EIF3J: variants seen among roughly 807,000 people sequenced by gnomAD.
The protein encoded by EIF3J is eukaryotic translation initiation factor 3, subunit 1 (alpha, 35kD).
A neutral mutation model predicts 39.0 loss-of-function variants in EIF3J; 15 were observed. That is an observed-to-expected ratio of 0.38 (90% CI 0.26 to 0.59). EIF3J has a LOEUF of 0.59. Ranked by LOEUF, EIF3J falls within the 20% of genes least tolerant of loss-of-function variation. The pLI, the probability that EIF3J is intolerant of heterozygous loss-of-function variation, is 0.60. For missense variants in EIF3J, 226 were observed against 308.6 expected, an observed-to-expected ratio of 0.73 and a Z score of 2.00; for synonymous variants, 98 against 112.9, an observed-to-expected ratio of 0.87 and a Z score of 0.84.
At chr15:44,548,354 G>A (rs2082070973) in intron 2 of EIF3J, among the ~76,000 whole-genome samples, 1 of 152,222 alleles carries the variant, frequency 6.6e-6, no homozygotes, top group African/African-American at 2.4e-5. Context: ...GGCAGAGGTT[G>A]CAGTAAGCTG....
chr15:44,561,079 T>A lies in EIF3J; in HGVS notation c.707T>A (p.Met236Lys). ...CCTGGAGGGGGATTAAAAGCCACCA[T>A]GAAAGATGATCTGGCAGATTATGGT... ...VVPGGGLKAT[M>K]KDDLADYGGY... is the part of the protein sequence containing the mutation. Residue 236 changes from methionine to lysine, a missense_variant, in exon 8 of 8, where the codon ATG becomes AAG. This residue lies in a region of EIF3J where 83 missense variants were observed against 152.6 expected (regional missense o/e 0.54). Coordinates refer to ENST00000261868, the MANE Select transcript of EIF3J (RefSeq NM_003758.4). 2 of 1,613,754 alleles carry A rather than the reference T, an allele frequency of 1.2e-6. No homozygotes were observed. Among genetic ancestry groups the A allele is most frequent in the Non-Finnish European group, 1.7e-6 (2 of 1,179,830 alleles).
At chr15:44,537,285 G>T in intron 1 of EIF3J, 39 bp from the exon 2 acceptor site, 1 of 1,563,532 alleles carries the variant, frequency 6.4e-7, no homozygotes, top group Non-Finnish European at 8.7e-7. Context: ...CCGGCCCCAC[G>T]CAGTGGCAGG....
At chr15:44,546,411 T>G (rs2082053080) in intron 2 of EIF3J, among the ~76,000 whole-genome samples, 1 of 152,256 alleles carries the variant, frequency 6.6e-6, no homozygotes, top group Non-Finnish European at 1.5e-5. Context: ...ATTTCTTTAC[T>G]GGACTTAGAG....
intron 4 of EIF3J, 145 bp downstream of exon 4, chr15:44,551,667 G>C: frequency 1.6e-6 from 1 of 619,900 alleles, no homozygotes; most frequent in Non-Finnish European, 2.6e-6. Context: ...AAAACAAATT[G>C]ATTTGTGGTT....
intron 4 of EIF3J, among the ~76,000 whole-genome samples, chr15:44,552,932 T>C (rs1335451201): frequency 6.6e-6 from 1 of 152,146 alleles, no homozygotes; most frequent in East Asian, 1.9e-4. Context: ...ATGCCTGTAA[T>C]TGCAACGCTT....
intron 2 of EIF3J, among the ~76,000 whole-genome samples, chr15:44,547,076 G>A (rs867483938): frequency 2.0e-5 from 3 of 151,740 alleles, no homozygotes; most frequent in East Asian, 1.9e-4. Context: ...TGCCTGCCTC[G>A]GCCTCCCAAA....
At chr15:44,548,685 A>T (rs2082073950) in intron 2 of EIF3J, among the ~76,000 whole-genome samples, 1 of 152,180 alleles carries the variant, frequency 6.6e-6, no homozygotes, top group Non-Finnish European at 1.5e-5. Context: ...TTGCTCTATT[A>T]TCCTGGGGCA....
chr15:44,541,063 A>G (rs1262756716), intron 2 of EIF3J, among the ~76,000 whole-genome samples: 1 of 152,218 alleles, frequency 6.6e-6, no homozygotes, highest in Non-Finnish European at 1.5e-5. Flanking sequence ...AGAAAAGACT[A>G]TGCTTTTCCC....
rs573425680 is a variant in EIF3J at position 44,552,442 on chromosome 15, G to A, written c.294+920G>A. Among the ~76,000 whole-genome samples the A allele has an allele frequency of 1.9e-3, 291 of 151,786 alleles. 1 individual carries two copies. Among genetic ancestry groups the A allele is most frequent in the African/African-American group, 6.6e-3 (275 of 41,422 alleles). The stretch of plus-strand genomic sequence containing the variant: ...GTATTTTTAGTAGAGATGGGGTTTC[G>A]CCATGTTGGCCGGGCTGGTCTCAAA... On this transcript the variant is annotated intron_variant, in intron 4 of 7. Transcript: ENST00000261868.
rs1490285331 is a variant in EIF3J at position 44,562,744 on chromosome 15, A to T, written c.*1595A>T. On this transcript the variant is annotated 3_prime_UTR_variant, in exon 8 of 8. Coordinates refer to ENST00000261868, the MANE Select transcript of EIF3J (RefSeq NM_003758.4). Reference sequence around the variant, plus strand: ...CAGAAAGATCAGTTTCTAACAAATGAAAATGTATCACCTGTTCCTTAACTG... The same window carrying T: ...CAGAAAGATCAGTTTCTAACAAATGTAAATGTATCACCTGTTCCTTAACTG... 5.6e-6 allele frequency: 1 copy of T among 179,554 alleles called. No homozygotes were observed. The highest frequency in any genetic ancestry group is 1.5e-4 in the East Asian group (1 of 6,810). 11.1% of individuals were successfully genotyped at this position (179,554 alleles called of 1,614,324 possible). A position where few individuals can be genotyped will look rare whatever the true frequency, so the allele number is the denominator to read the frequency against.
At chr15:44,548,212 C>T (rs1045191111) in intron 2 of EIF3J, among the ~76,000 whole-genome samples, 8 of 152,002 alleles carry the variant, frequency 5.3e-5, no homozygotes, top group South Asian at 2.1e-4. Context: ...GTCAGGAGTT[C>T]GAGACCAGCC....
At chr15:44,559,255 C>CA (rs920569226) in intron 6 of EIF3J, 4 of 112,818 alleles carry the variant, frequency 3.5e-5, no homozygotes, top group African/African-American at 1.2e-4. Context: ...AAAAAAAAAA[C>CA]ACAAAAATCA....
In EIF3J at chr15:44,562,015, AT is replaced by A. The variant is rs2082203176; in HGVS notation, c.*867del. On this transcript the variant is annotated 3_prime_UTR_variant, in exon 8 of 8. Transcript: ENST00000261868. ...GTTAACTACAGTTTGGTAAATTGTT[AT>A]GTTAACAATTATGACATCTGCAATG... is the stretch of plus-strand genomic sequence containing the variant. The A allele has an allele frequency of 6.6e-6, 1 of 152,506 alleles. No homozygotes were observed. Among genetic ancestry groups the A allele is most frequent in the Non-Finnish European group, 1.5e-5 (1 of 68,028 alleles). 9.4% of individuals were successfully genotyped at this position (152,506 alleles called of 1,614,324 possible).
intron 4 of EIF3J, 49 bp downstream of exon 4, chr15:44,551,571 A>G: frequency 7.3e-7 from 1 of 1,373,758 alleles, no homozygotes; most frequent in Non-Finnish European, 1.0e-6. Context: ...GTAGTGGTAT[A>G]GTTTCTAACA....
At chr15:44,542,451 T>G (rs1595798596) in intron 2 of EIF3J, among the ~76,000 whole-genome samples, 1 of 152,354 alleles carries the variant, frequency 6.6e-6, no homozygotes, top group East Asian at 1.9e-4. Context: ...AGAGTTTTAT[T>G]GCTCGTTTGA....
chr15:44,559,351 G>A (rs1173433755), intron 6 of EIF3J, among the ~76,000 whole-genome samples: 2 of 150,750 alleles, frequency 1.3e-5, no homozygotes, highest in Non-Finnish European at 3.0e-5. Context: ...GGTGGAGGCT[G>A]TGGTGAGCCG....
intron 2 of EIF3J, among the ~76,000 whole-genome samples, chr15:44,540,952 A>C (rs2082010081): frequency 6.6e-6 from 1 of 152,236 alleles, no homozygotes; most frequent in South Asian, 2.1e-4. Flanking sequence ...ACTCTCATTT[A>C]GTAGACTTAG....
Position 44,557,807 on chromosome 15 carries a change from C to G in EIF3J, c.571+157C>G, listed in dbSNP as rs908180636. On this transcript the variant is annotated intron_variant, in intron 6 of 7. Transcript: ENST00000261868. Reference sequence around the variant, plus strand: ...CCTTGTGAATGTTGTTCTGCAGATACAGTGAATTTGAGTGCTGGATCTTTT... The same window carrying G: ...CCTTGTGAATGTTGTTCTGCAGATAGAGTGAATTTGAGTGCTGGATCTTTT... 8.5e-6 allele frequency: 4 copies of G among 470,566 alleles called. No individual in the cohort carries two copies. The Admixed American group carries it at 1.4e-4, about 16-fold the overall frequency. The allele number at this position is 470,566 out of a possible 1,614,324, so 29.1% of individuals were successfully genotyped here. A position where few individuals can be genotyped will look rare whatever the true frequency, so the allele number is the denominator to read the frequency against.
chr15:44,546,051 C>G (rs562302318), intron 2 of EIF3J, among the ~76,000 whole-genome samples: 155 of 152,306 alleles, frequency 1.0e-3, no homozygotes, highest in Non-Finnish European at 1.9e-3. Flanking sequence ...AACACTGCCC[C>G]CTATCACTCA....
Sources: allele counts gnomAD v4.1 joint callset (sites outside exome capture counted in the v4.1 genomes callset), GRCh38; gene constraint gnomAD v4.1.1; regional missense constraint gnomAD v4.1.1; transcripts MANE v1.5; gene names NCBI Gene and HGNC (gene_info 2026-07-23, HGNC 2026-07-21).